CCDC77: variants seen among roughly 807,000 people sequenced by gnomAD.
CCDC77 encodes the protein coiled-coil domain-containing protein 77.
CCDC77 carries 56 observed loss-of-function variants against 66.8 expected under a neutral mutation model. That is an observed-to-expected ratio of 0.84 (90% CI 0.68 to 1.05). The LOEUF is 1.05. Among genes scored for constraint, CCDC77 ranks in the 50% least tolerant of loss-of-function variants. CCDC77 has a pLI of 0.00. For missense variants in CCDC77, 570 were observed against 576.8 expected (o/e 0.99, Z 0.12); for synonymous variants, 196 against 195.2 (o/e 1.00, Z -0.03).
At chr12:428,488 A>G (rs61916590) in intron 5 of CCDC77, among the ~76,000 whole-genome samples, 226 of 136,924 alleles carry the variant, frequency 1.7e-3, no homozygotes, top group East Asian at 2.8e-3. Context: ...TCCAGCCTGG[A>G]CAACAGAGCG....
rs1308717133 is a variant in CCDC77, at chr12:423,290, A to ATT, written c.413+4658_413+4659dup. 4.5e-5 allele frequency among the ~76,000 whole-genome samples: 4 copies of ATT among 88,452 alleles called. No homozygotes were observed. In the Admixed American group the frequency reaches 4.6e-4, roughly 10 times the overall value. 58.0% of individuals were successfully genotyped at this position (88,452 alleles called of 152,430 possible). ...ATGCATGTGCTGCCATGCCCAGCTA[A>ATT]TTTTTATATATATATATATTTTTTT... On this transcript the variant is annotated intron_variant, in intron 5 of 12. Coordinates refer to ENST00000239830, the MANE Select transcript of CCDC77 (RefSeq NM_032358.4).
chr12:418,852 C>T (rs1945336993), intron 5 of CCDC77: 1 of 506,564 alleles, frequency 2.0e-6, no homozygotes, highest in Non-Finnish European at 3.5e-6. Flanking sequence ...GTGTGCACTA[C>T]AAGGCCTAGC....
chr12:417,294 C>T (rs934090759), intron 4 of CCDC77, among the ~76,000 whole-genome samples: 6 of 152,046 alleles, frequency 3.9e-5, no homozygotes, highest in African/African-American at 1.4e-4. Context: ...CAACATCAGG[C>T]TCTCTCATGG....
At chr12:439,767 A>G (rs1162312505) in intron 10 of CCDC77, among the ~76,000 whole-genome samples, 2 of 151,696 alleles carry the variant, frequency 1.3e-5, no homozygotes, top group Non-Finnish European at 2.9e-5. Flanking sequence ...TGACAGAGCA[A>G]GGACTCCGTC....
chr12:436,812 G>A (rs552979812), intron 9 of CCDC77: 32 of 946,780 alleles, frequency 3.4e-5, no homozygotes, highest in Middle Eastern at 5.3e-4. Context: ...ATCCAGGGCC[G>A]TTAATGACTG....
intron 5 of CCDC77, among the ~76,000 whole-genome samples, chr12:422,685 A>G (rs552297150): frequency 6.6e-6 from 1 of 152,236 alleles, no homozygotes; most frequent in African/African-American, 2.4e-5. Flanking sequence ...AGCTCAGCTC[A>G]CTGTAACCTC....
chr12:429,540 A>G (rs1415402063), intron 6 of CCDC77, among the ~76,000 whole-genome samples: 1 of 150,894 alleles, frequency 6.6e-6, no homozygotes, highest in East Asian at 1.9e-4. Context: ...GCTCACTGCA[A>G]CCTCCGCTCT....
rs750071502 is a variant in CCDC77 at position 418,625 on chromosome 12, A to G, written c.402A>G (p.Arg134=). 1.2e-6 allele frequency: 2 copies of G among 1,613,560 alleles called. No homozygotes were observed. Among genetic ancestry groups the G allele is most frequent in the African/African-American group, 2.7e-5 (2 of 74,926 alleles). Residue 134 remains arginine, a synonymous_variant, in exon 5 of 13, where the codon CGA becomes CGG. Transcript: ENST00000239830. ...HVLRLYSEND[R]LRIRELEDKK... ...TACGCCTCTACTCAGAAAATGACCG[A>G]CTGAGAATCAGGTACCAAATAGGAG...
intron 5 of CCDC77, among the ~76,000 whole-genome samples, chr12:427,029 G>A (rs554590685): frequency 6.6e-6 from 1 of 152,162 alleles, no homozygotes; most frequent in East Asian, 1.9e-4. Context: ...GGCAGATCAC[G>A]AGGTCAGGAG....
intron 12 of CCDC77, 29 bp from the exon 13 acceptor site, chr12:441,745 C>CT (rs34054482): frequency 0.02 from 28,309 of 1,429,726 alleles, 91 homozygotes; most frequent in African/African-American, 0.075. Flanking sequence ...ATCATCATTT[C>CT]TTTTTTTTTT....
chr12:396,681 G>C (rs143320727), upstream of CCDC77, among the ~76,000 whole-genome samples: 40 of 152,284 alleles, frequency 2.6e-4, no homozygotes, highest in African/African-American at 9.1e-4. Flanking sequence ...GCTCTCGTAA[G>C]AATTTTGAGT....
chr12:391,302 C>T (rs1029424096), intron 1 of CCDC77, among the ~76,000 whole-genome samples: 20 of 152,076 alleles, frequency 1.3e-4, no homozygotes, highest in African/African-American at 4.8e-4. Context: ...AAATGTACAA[C>T]AATTAGCCCA....
intron 5 of CCDC77, among the ~76,000 whole-genome samples, chr12:425,474 C>T (rs1011972465): frequency 6.6e-6 from 1 of 151,950 alleles, no homozygotes; most frequent in African/African-American, 2.4e-5. Flanking sequence ...AGCAGAGCAT[C>T]CTTTCAACTC....
At chr12:399,193 C>T (rs533560805), upstream of CCDC77, among the ~76,000 whole-genome samples, 23 of 147,906 alleles carry the variant, frequency 1.6e-4, no homozygotes, top group African/African-American at 5.9e-4. Context: ...TTTTTTGAGG[C>T]GGAGTTTCAC....
intron 9 of CCDC77, among the ~76,000 whole-genome samples, chr12:437,200 T>C (rs1376113597): frequency 6.6e-6 from 1 of 152,246 alleles, no homozygotes; most frequent in East Asian, 1.9e-4. Flanking sequence ...GTGGTAATGT[T>C]AAACTGATGA....
At chr12:433,103 C>G in intron 8 of CCDC77, 71 bp from the exon 9 acceptor site, 1 of 1,461,510 alleles carries the variant, frequency 6.8e-7, no homozygotes, top group South Asian at 1.3e-5. Flanking sequence ...TGGAGAAAGG[C>G]TCACTTTTCC....
chr12:410,276 T>TC (rs1945081377), intron 3 of CCDC77, among the ~76,000 whole-genome samples: 2 of 151,640 alleles, frequency 1.3e-5, no homozygotes. Flanking sequence ...TGTTTTTTTT[T>TC]TGTTTTTTGA....
chr12:432,973 A>G (rs777913937), intron 8 of CCDC77, among the ~76,000 whole-genome samples: 1 of 152,200 alleles, frequency 6.6e-6, no homozygotes, highest in African/African-American at 2.4e-5. Context: ...TTGAGGCTGC[A>G]GTGAGCTATG....
chr12:389,669 AG>A, intron 1 of CCDC77: 1 of 167,934 alleles, frequency 6.0e-6, no homozygotes, highest in South Asian at 1.3e-4. Flanking sequence ...TCCGGTGAGG[AG>A]GGTCCCTTTC....
Sources: gnomAD v4.1 joint callset for allele counts (sites outside exome capture counted in the v4.1 genomes callset) on GRCh38, gnomAD v4.1.1 for gene constraint, MANE v1.5 for transcripts, NCBI Gene and HGNC (gene_info 2026-07-23, HGNC 2026-07-21) for gene names.